The following B3GAT3 variants were observed in gnomAD, a reference collection of about 807,000 sequenced individuals.
B3GAT3 encodes the protein galactosylgalactosylxylosylprotein 3-beta-glucuronosyltransferase 3.
In B3GAT3, 19 loss-of-function variants were observed where a neutral mutation model predicts 33.1. The observed-to-expected ratio is 0.57, with a 90% CI of 0.40 to 0.84. B3GAT3 has a LOEUF of 0.84. Among genes scored for constraint, B3GAT3 ranks in the 40% least tolerant of loss-of-function variants. The probability of loss-of-function intolerance (pLI) is 0.00; values close to 1 mark genes in which losing one functional copy is unlikely to be tolerated. For missense variants in B3GAT3, 344 were observed against 441.5 expected (o/e 0.78, Z 1.98); for synonymous variants, 167 against 193.5 (o/e 0.86, Z 1.14).
At chr11:62,619,023 C>A (rs1303726906) in intron 2 of B3GAT3, among the ~76,000 whole-genome samples, 1 of 142,744 alleles carries the variant, frequency 7.0e-6, no homozygotes, top group Admixed American at 7.1e-5. Flanking sequence ...TGGTGGTGCA[C>A]GCCTGTAATC....
At chr11:62,615,981 C>T (rs1200769612) in intron 4 of B3GAT3, 182 bp from the exon 5 acceptor site, 9 of 1,464,408 alleles carry the variant, frequency 6.1e-6, no homozygotes, top group South Asian at 5.4e-5. Flanking sequence ...GCGTGGCTCA[C>T]GCCTGTAACC....
At chr11:62,616,018 C>T in intron 4 of B3GAT3, 9 of 1,375,830 alleles carry the variant, frequency 6.5e-6, no homozygotes, top group African/African-American at 2.9e-5. Context: ...CCGAGGAAGG[C>T]GGATCACGAG....
In B3GAT3 at chr11:62,615,573, G is replaced by C. The variant is rs756104817; in HGVS notation, c.*128C>G. On this transcript the variant is annotated 3_prime_UTR_variant, in exon 5 of 5. Coordinates refer to ENST00000265471, the MANE Select transcript of B3GAT3 (RefSeq NM_012200.4). ...AGCAGCAGGACCATGCCCTGGGCCT[G>C]GAGGGGCAGAGGGGCCACTTCTGGC... The C allele has an allele frequency of 2.4e-4, 352 of 1,493,626 alleles. No homozygotes were observed. Among genetic ancestry groups the C allele is most frequent in the Non-Finnish European group, 3.1e-4 (342 of 1,111,898 alleles). The allele number at this position is 1,493,626 out of a possible 1,614,324, so 92.5% of individuals were successfully genotyped here. A position where few individuals can be genotyped will look rare whatever the true frequency, so the allele number is the denominator to read the frequency against.
chr11:62,617,432 CTGCCTGCG>C, intron 2 of B3GAT3, 85 bp from the exon 3 acceptor site: 1 of 1,577,334 alleles, frequency 6.3e-7, no homozygotes, highest in Non-Finnish European at 8.6e-7. Context: ...TCCTGGGCCA[CTGCCTGCG>C]TCTCCTGTGG....
chr11:62,617,897 C>G lies in B3GAT3; in HGVS notation c.258-550G>C, dbSNP rs574468656. The stretch of plus-strand genomic sequence containing the variant: ...CATCTCAAAAAAAAAAAAAAAAGGC[C>G]GGGCATGTTGGCTCACGCCTATAAT... On this transcript the variant is annotated intron_variant, in intron 2 of 4. Coordinates refer to ENST00000265471, the MANE Select transcript of B3GAT3 (RefSeq NM_012200.4). Among the ~76,000 whole-genome samples the G allele has an allele frequency of 1.1e-4, 16 of 150,510 alleles. No homozygotes were observed. The South Asian group carries it at 3.4e-3, about 32-fold the overall frequency.
chr11:62,618,476 C>T (rs1943077135), intron 2 of B3GAT3, among the ~76,000 whole-genome samples: 1 of 151,426 alleles, frequency 6.6e-6, no homozygotes, highest in African/African-American at 2.4e-5. Flanking sequence ...TCCTGGCTAA[C>T]ACGGTGAAAC....
intron 3 of B3GAT3, 50 bp from the exon 4 acceptor site, chr11:62,616,846 G>A (rs1943039812): frequency 6.2e-7 from 1 of 1,612,682 alleles, no homozygotes; most frequent in Non-Finnish European, 8.5e-7. Flanking sequence ...GGGGAAGGGA[G>A]CAGCAGAAAG....
At chr11:62,619,720 T>TTTTTC (rs1943108650) in intron 2 of B3GAT3, among the ~76,000 whole-genome samples, 1 of 127,268 alleles carries the variant, frequency 7.9e-6, no homozygotes, top group East Asian at 2.2e-4. Context: ...TTTTTTTTTT[T>TTTTTC]TTTTCAGAGA....
intron 2 of B3GAT3, among the ~76,000 whole-genome samples, chr11:62,619,699 CTT>C (rs5792264): frequency 2.3e-3 from 199 of 85,694 alleles, no homozygotes; most frequent in African/African-American, 8.8e-3. Flanking sequence ...GCCTAGCTAA[CTT>C]TTTTTTTTTT....
At chr11:62,617,409 G>T in intron 2 of B3GAT3, 62 bp from the exon 3 acceptor site, 7 of 1,599,666 alleles carry the variant, frequency 4.4e-6, no homozygotes, top group Non-Finnish European at 5.1e-6. Flanking sequence ...CTCCAGCCAG[G>T]GCAGACAGCT....
chr11:62,620,983 A>G (rs138463891), intron 1 of B3GAT3: 66 of 533,454 alleles, frequency 1.2e-4, no homozygotes, highest in African/African-American at 1.1e-3. Context: ...TAAACAGGAC[A>G]GTCTTTTCAG....
chr11:62,621,208 CCT>C (rs750328563), intron 1 of B3GAT3: 36 of 456,346 alleles, frequency 7.9e-5, no homozygotes, highest in Non-Finnish European at 1.5e-4. Flanking sequence ...GGAGGCACTG[CCT>C]TAGGTGCTGG....
At position 62,615,727 on chromosome 11, in the gene B3GAT3, C is replaced by G. The variant is rs531719501; in HGVS notation, c.982G>C (p.Gly328Arg). Residue 328 changes from glycine (G) to arginine (R), a missense_variant, in exon 5 of 5, where the codon GGC becomes CGC. Coordinates refer to ENST00000265471, the MANE Select transcript of B3GAT3 (RefSeq NM_012200.4). ...CACACCTCAATTGCTGGGTCTGAGC[C>G]CCGGCCCTGCCGCTGCAGCTGCTCC... Reference protein sequence around the residue: ...QEEQLQRQGRGSDPAIEV With the variant: ...QEEQLQRQGRRSDPAIEV 6.2e-7 allele frequency: 1 copy of G among 1,613,926 alleles called. No homozygotes were observed. The highest frequency in any genetic ancestry group is 8.5e-7 in the Non-Finnish European group (1 of 1,180,018).
At chr11:62,615,957 G>A in intron 4 of B3GAT3, 158 bp from the exon 5 acceptor site, 1 of 1,502,720 alleles carries the variant, frequency 6.7e-7, no homozygotes, top group Non-Finnish European at 8.9e-7. Flanking sequence ...TCTAAAACCG[G>A]GCCTTGGCCG....
intron 4 of B3GAT3, 35 bp from the exon 5 acceptor site, chr11:62,615,834 A>T (rs775230481): frequency 1.0e-5 from 16 of 1,607,506 alleles, no homozygotes; most frequent in South Asian, 1.1e-5. Context: ...AGCCAGGCCC[A>T]GCTGCAGCCA....
In B3GAT3 at chr11:62,619,593, A is replaced by G. The variant is rs1283220886; in HGVS notation, c.257+904T>C. 2.7e-5 allele frequency among the ~76,000 whole-genome samples: 4 copies of G among 150,236 alleles called. No homozygotes were observed. The Admixed American group carries it at 2.7e-4, about 10-fold the overall frequency. On this transcript the variant is annotated intron_variant, in intron 2 of 4. Coordinates refer to ENST00000265471, the MANE Select transcript of B3GAT3 (RefSeq NM_012200.4). ...GGGCTCTCTCTGTCGCCCAGGCTGC[A>G]TGATCTCCACTCACTGCAACCTCCG... is the stretch of plus-strand genomic sequence containing the variant.
chr11:62,616,451 C>T, intron 4 of B3GAT3, 55 bp downstream of exon 4: 2 of 1,611,226 alleles, frequency 1.2e-6, no homozygotes, highest in Non-Finnish European at 8.5e-7. Flanking sequence ...CTGTACCTCC[C>T]CCATCACCTG....
intron 2 of B3GAT3, 110 bp downstream of exon 2, chr11:62,620,387 C>A: frequency 1.0e-6 from 1 of 1,003,970 alleles, no homozygotes; most frequent in Non-Finnish European, 1.5e-6. Context: ...CTGTCTTTGG[C>A]ATGCTCTAGT....
chr11:62,621,816 G>A (rs1476581862), intron 1 of B3GAT3, 50 bp downstream of exon 1: 1 of 1,530,546 alleles, frequency 6.5e-7, no homozygotes, highest in South Asian at 1.2e-5. Context: ...GATGCACGGC[G>A]GCGGGCGCCC....
Sources: allele counts gnomAD v4.1 joint callset (sites outside exome capture counted in the v4.1 genomes callset), GRCh38; gene constraint gnomAD v4.1.1; transcripts MANE v1.5; gene names NCBI Gene and HGNC (gene_info 2026-07-23, HGNC 2026-07-21).